Variants in JAK2 observed in about 807,000 individuals in gnomAD.
JAK2 encodes the protein Janus kinase 2.
JAK2 carries 86 observed loss-of-function variants against 139.3 expected under a neutral mutation model. The ratio of observed to expected loss-of-function variants is 0.62; its 90% CI spans 0.52 to 0.74. The LOEUF (loss-of-function observed/expected upper bound fraction) is 0.74, where lower values mean the gene tolerates loss of function less well. Among genes scored for constraint, JAK2 ranks in the 30% least tolerant of loss-of-function variants. JAK2 has a pLI of 0.00. For synonymous variants in JAK2, 490 were observed against 437.7 expected (o/e 1.12, Z -1.49); for missense variants, 1,421 against 1,360.3 (o/e 1.04, Z -0.70).
intron 2 of JAK2, among the ~76,000 whole-genome samples, chr9:4,990,082 A>G (rs1044548151): frequency 2.0e-5 from 3 of 152,214 alleles, no homozygotes; most frequent in Non-Finnish European, 4.4e-5. Context: ...GGACTTAGAA[A>G]TAAGTCAGAT....
intron 22 of JAK2, among the ~76,000 whole-genome samples, chr9:5,107,345 T>C (rs1822046536): frequency 6.6e-6 from 1 of 152,284 alleles, no homozygotes; most frequent in South Asian, 2.1e-4. Context: ...GAAGGCAGAT[T>C]TGACCCAATA....
intron 4 of JAK2, among the ~76,000 whole-genome samples, chr9:5,038,596 A>ATTT (rs58788809): frequency 6.8e-6 from 1 of 146,502 alleles, no homozygotes; most frequent in Non-Finnish European, 1.5e-5. Flanking sequence ...TGGATTTTAG[A>ATTT]TTTTTTTTTT....
intron 2 of JAK2, among the ~76,000 whole-genome samples, chr9:4,986,958 A>T (rs553954247): frequency 3.3e-5 from 5 of 152,320 alleles, no homozygotes; most frequent in African/African-American, 1.2e-4. Context: ...TTGTATTTTG[A>T]TATAACACCC....
intron 22 of JAK2, chr9:5,098,458 A>G (rs1287602592): frequency 6.6e-6 from 1 of 152,180 alleles, no homozygotes; most frequent in Non-Finnish European, 1.5e-5. Flanking sequence ...CTGGTTCTAT[A>G]CATTATTTCC....
At chr9:5,092,107 A>G (rs530793804) in intron 22 of JAK2, among the ~76,000 whole-genome samples, 5 of 152,312 alleles carry the variant, frequency 3.3e-5, no homozygotes, top group Admixed American at 3.3e-4. Context: ...AGTAAGCACA[A>G]GTAAATACAT....
chr9:5,020,082 C>T (rs1822311509), intron 2 of JAK2, among the ~76,000 whole-genome samples: 2 of 152,034 alleles, frequency 1.3e-5, no homozygotes, highest in African/African-American at 2.4e-5. Flanking sequence ...GGTCCACAGG[C>T]CCCTGGGCAG....
At position 5,121,732 on chromosome 9, in the gene JAK2, G is replaced by T. The variant is rs1365920405; in HGVS notation, c.3060-1272G>T. On this transcript the variant is annotated intron_variant, in intron 22 of 24. Coordinates refer to ENST00000381652, the MANE Select transcript of JAK2 (RefSeq NM_004972.4). ...GAATGCTCTAAGAACAAAGAAGGAG[G>T]AGTCTTTCTTCTTATTTTCAACAAG... 5.3e-5 allele frequency among the ~76,000 whole-genome samples: 8 copies of T among 152,250 alleles called. No homozygotes were observed. The East Asian group carries it at 1.3e-3, about 26-fold the overall frequency.
In JAK2 at chr9:5,090,990, A is replaced by AT. The variant is rs1820529201; in HGVS notation, c.3059+82dup. ...TATTGTTGTTATTTAATAGTTTGCCATTTCTATATTTACAGTAACAGTGAA... is the reference window on the plus strand; with the variant it reads ...TATTGTTGTTATTTAATAGTTTGCCATTTTCTATATTTACAGTAACAGTGAA... On this transcript the variant is annotated intron_variant, in intron 22 of 24. Transcript: ENST00000381652. 1.0e-5 allele frequency: 11 copies of AT among 1,067,274 alleles called. No homozygotes were observed. The East Asian group carries it at 2.8e-4, about 27-fold the overall frequency. The allele number at this position is 1,067,274 out of a possible 1,614,324, so 66.1% of individuals were successfully genotyped here.
intron 2 of JAK2, among the ~76,000 whole-genome samples, chr9:5,021,038 G>A (rs749644834): frequency 1.3e-5 from 2 of 152,066 alleles, no homozygotes; most frequent in South Asian, 2.1e-4. Context: ...GAAAGTTGAC[G>A]GGCTCTCTTG....
At chr9:5,072,716 T>G (rs923832606) in intron 13 of JAK2, 90 bp downstream of exon 13, 5 of 990,394 alleles carry the variant, frequency 5.0e-6, no homozygotes, top group Non-Finnish European at 6.9e-6. Flanking sequence ...GTGCAGCTTT[T>G]CAAAATTGTA....
chr9:5,067,336 G>C (rs1208463583), intron 10 of JAK2, among the ~76,000 whole-genome samples: 1 of 152,132 alleles, frequency 6.6e-6, no homozygotes, highest in East Asian at 1.9e-4. Context: ...TGTTAATACA[G>C]ATCATTTTGG....
intron 22 of JAK2, chr9:5,112,820 G>A: frequency 3.6e-6 from 2 of 556,668 alleles, no homozygotes; most frequent in East Asian, 3.8e-5. Flanking sequence ...GGGCTTGAGT[G>A]AAGCCCACAA....
At chr9:5,096,489 C>T (rs1267704649) in intron 22 of JAK2, among the ~76,000 whole-genome samples, 6 of 152,148 alleles carry the variant, frequency 3.9e-5, no homozygotes, top group Non-Finnish European at 1.5e-5. Flanking sequence ...TCTACTTCTC[C>T]CTCCATGTGG....
chr9:5,129,200 T>C lies in JAK2; in HGVS notation c.*2409T>C, dbSNP rs747582688. Among the ~76,000 whole-genome samples the C allele has an allele frequency of 6.6e-6, 1 of 152,110 alleles. No individual in the cohort carries two copies. Among genetic ancestry groups the C allele is most frequent in the Non-Finnish European group, 1.5e-5 (1 of 67,944 alleles). ...CTATAGAGCCAATCTTGATGGTGGGTGTGGCATTATGTGCTCACTTTATTG... is the reference window on the plus strand; with the variant it reads ...CTATAGAGCCAATCTTGATGGTGGGCGTGGCATTATGTGCTCACTTTATTG... On this transcript the variant is annotated 3_prime_UTR_variant, in exon 25 of 25. Coordinates refer to ENST00000381652, the MANE Select transcript of JAK2 (RefSeq NM_004972.4).
At chr9:4,990,959 C>T (rs763485857) in intron 2 of JAK2, among the ~76,000 whole-genome samples, 1 of 152,060 alleles carries the variant, frequency 6.6e-6, no homozygotes, top group Non-Finnish European at 1.5e-5. Flanking sequence ...GATTGTCATT[C>T]GTCTGTATCG....
intron 2 of JAK2, among the ~76,000 whole-genome samples, chr9:5,014,963 C>A (rs944553516): frequency 6.6e-6 from 1 of 151,744 alleles, no homozygotes; most frequent in Admixed American, 6.6e-5. Flanking sequence ...TTGTTTAACA[C>A]ATGTATATGC....
chr9:5,060,562 A>C (rs993096683), intron 8 of JAK2, among the ~76,000 whole-genome samples: 1 of 152,176 alleles, frequency 6.6e-6, no homozygotes, highest in Non-Finnish European at 1.5e-5. Context: ...TATCTGTCCA[A>C]ATTTTATCAT....
chr9:5,123,334 A>G (rs1232438430), intron 23 of JAK2, among the ~76,000 whole-genome samples: 1 of 151,858 alleles, frequency 6.6e-6, no homozygotes, highest in African/African-American at 2.4e-5. Flanking sequence ...CCAAGTCTCT[A>G]TTGTCTATCA....
At chr9:5,107,803 A>T (rs1018768628) in intron 22 of JAK2, 1 of 152,128 alleles carries the variant, frequency 6.6e-6, no homozygotes, top group South Asian at 2.1e-4. Flanking sequence ...TTACTCTAGC[A>T]TCTATAATAC....
Sources: allele counts gnomAD v4.1 joint callset (sites outside exome capture counted in the v4.1 genomes callset), GRCh38; gene constraint gnomAD v4.1.1; transcripts MANE v1.5; gene names NCBI Gene and HGNC (gene_info 2026-07-23, HGNC 2026-07-21).